Variants in LAMA2 observed in about 807,000 individuals in gnomAD.
The protein encoded by LAMA2 is laminin subunit alpha-2.
A neutral mutation model predicts 364.8 loss-of-function variants in LAMA2; 269 were observed. The ratio of observed to expected loss-of-function variants is 0.74; its 90% CI spans 0.67 to 0.82. LAMA2 has a LOEUF of 0.82. Ranked by LOEUF, LAMA2 falls within the 40% of genes least tolerant of loss-of-function variation. The probability of loss-of-function intolerance (pLI) is 0.00; values close to 1 mark genes in which losing one functional copy is unlikely to be tolerated. For missense variants in LAMA2, 3,807 were observed against 3,873.2 expected, an observed-to-expected ratio of 0.98 and a Z score of 0.45; for synonymous variants, 1,379 against 1,370.6, an observed-to-expected ratio of 1.01 and a Z score of -0.14.
chr6:128,986,245 T>G (rs1026483253), intron 1 of LAMA2, among the ~76,000 whole-genome samples: 5 of 152,192 alleles, frequency 3.3e-5, no homozygotes, highest in Admixed American at 3.3e-4. Flanking sequence ...ATTCTCATGC[T>G]TTTCAGTGTT....
intron 12 of LAMA2, 47 bp downstream of exon 12, chr6:129,192,900 G>A (rs371339192): frequency 3.2e-4 from 495 of 1,552,742 alleles, no homozygotes; most frequent in Non-Finnish European, 4.1e-4. Context: ...CTGACTGATC[G>A]TGAGAATGGG....
At chr6:129,012,030 C>T (rs1160777333) in intron 1 of LAMA2, among the ~76,000 whole-genome samples, 1 of 152,128 alleles carries the variant, frequency 6.6e-6, no homozygotes, top group East Asian at 1.9e-4. Flanking sequence ...CCCTTGTGTT[C>T]CTTCTACTCA....
chr6:128,884,768 T>C (rs1263547049), intron 1 of LAMA2, among the ~76,000 whole-genome samples: 1 of 152,198 alleles, frequency 6.6e-6, no homozygotes, highest in Non-Finnish European at 1.5e-5. Context: ...TATTAAACTT[T>C]GCTCAATTAC....
chr6:128,926,838 C>T (rs886800040), intron 1 of LAMA2, among the ~76,000 whole-genome samples: 1 of 152,132 alleles, frequency 6.6e-6, no homozygotes, highest in African/African-American at 2.4e-5. Context: ...TCAGATATAA[C>T]GTTGTAGTAT....
chr6:129,199,435 A>T (rs1782043321), intron 12 of LAMA2, among the ~76,000 whole-genome samples: 1 of 152,226 alleles, frequency 6.6e-6, no homozygotes, highest in Admixed American at 6.5e-5. Context: ...GATCACAAAC[A>T]TGAAACAATT....
At chr6:128,974,178 G>A (rs556432303) in intron 1 of LAMA2, among the ~76,000 whole-genome samples, 20 of 152,110 alleles carry the variant, frequency 1.3e-4, no homozygotes, top group African/African-American at 4.6e-4. Flanking sequence ...AGTTAACCAG[G>A]TGACCCTCTA....
intron 20 of LAMA2, among the ~76,000 whole-genome samples, chr6:129,295,989 G>T (rs901838174): frequency 6.6e-6 from 1 of 151,562 alleles, no homozygotes; most frequent in African/African-American, 2.4e-5. Flanking sequence ...GGTGGTATGG[G>T]TATGTAATTG....
chr6:129,106,956 G>T (rs566334968), intron 4 of LAMA2, among the ~76,000 whole-genome samples: 1 of 151,366 alleles, frequency 6.6e-6, no homozygotes, highest in Non-Finnish European at 1.5e-5. Flanking sequence ...AACAAAGATG[G>T]CCAGAGAAAC....
intron 1 of LAMA2, among the ~76,000 whole-genome samples, chr6:128,906,026 G>A (rs1280645473): frequency 1.3e-5 from 2 of 149,988 alleles, no homozygotes; most frequent in Non-Finnish European, 3.0e-5. Flanking sequence ...TCTTAATCCA[G>A]TCTATCGTTG....
At chr6:129,352,043 T>C (rs1482692672) in intron 31 of LAMA2, among the ~76,000 whole-genome samples, 1 of 152,202 alleles carries the variant, frequency 6.6e-6, no homozygotes, top group East Asian at 1.9e-4. Flanking sequence ...TCCAATCCCC[T>C]ACTGTCTCTC....
At chr6:129,157,803 A>G in intron 8 of LAMA2, 5 of 1,613,534 alleles carry the variant, frequency 3.1e-6, no homozygotes, top group South Asian at 2.2e-5. Flanking sequence ...ACGACGAGCC[A>G]TCTCCCAAAT....
At chr6:129,341,834 A>C (rs1015058479) in intron 29 of LAMA2, among the ~76,000 whole-genome samples, 4 of 152,236 alleles carry the variant, frequency 2.6e-5, no homozygotes. Context: ...TGCTAGTTTT[A>C]GATTGACTCC....
chr6:129,011,253 C>T (rs1784752510), intron 1 of LAMA2, among the ~76,000 whole-genome samples: 1 of 152,200 alleles, frequency 6.6e-6, no homozygotes, highest in African/African-American at 2.4e-5. Context: ...CTTTCAGCTA[C>T]TAAGACACAC....
rs113528017 is a variant in LAMA2, at chr6:129,101,329, C to T, written c.639+2914C>T. Among the ~76,000 whole-genome samples the T allele has an allele frequency of 5.6e-3, 856 of 152,184 alleles. 9 individuals are homozygous for T. Among genetic ancestry groups the T allele is most frequent in the African/African-American group, 0.02 (822 of 41,522 alleles). On this transcript the variant is annotated intron_variant, in intron 4 of 64. Transcript: ENST00000421865. ...TCCAATAATGCCTATGTGTTAAACTCGGTACATACAGAATTTACCTCCATT... is the reference window on the plus strand; with the variant it reads ...TCCAATAATGCCTATGTGTTAAACTTGGTACATACAGAATTTACCTCCATT...
chr6:128,929,842 GA>G (rs1779344985), intron 1 of LAMA2: 4 of 1,022,594 alleles, frequency 3.9e-6, no homozygotes, highest in African/African-American at 1.6e-5. Flanking sequence ...CCTTGTAAGT[GA>G]AAAACTTGCC....
At chr6:129,261,464 T>G (rs902774529) in intron 15 of LAMA2, among the ~76,000 whole-genome samples, 7 of 152,168 alleles carry the variant, frequency 4.6e-5, no homozygotes, top group African/African-American at 1.4e-4. Flanking sequence ...TAACAATTTT[T>G]ATTTGCTTCT....
chr6:129,275,642 A>G (rs764132316), intron 17 of LAMA2, among the ~76,000 whole-genome samples: 7 of 151,920 alleles, frequency 4.6e-5, no homozygotes, highest in Non-Finnish European at 1.0e-4. Flanking sequence ...GCAGGATGAG[A>G]AAACTGCAGA....
chr6:129,058,294 G>T (rs908990264), intron 2 of LAMA2, among the ~76,000 whole-genome samples: 1 of 152,240 alleles, frequency 6.6e-6, no homozygotes, highest in Non-Finnish European at 1.5e-5. Context: ...AGGAGTAGTG[G>T]CTGCTGTTGT....
At chr6:128,985,265 G>T (rs1783152944) in intron 1 of LAMA2, among the ~76,000 whole-genome samples, 1 of 152,078 alleles carries the variant, frequency 6.6e-6, no homozygotes, top group Admixed American at 6.6e-5. Flanking sequence ...ATTAGTCAAG[G>T]TTTACAGTGC....
Sources: allele counts gnomAD v4.1 joint callset (sites outside exome capture counted in the v4.1 genomes callset), GRCh38; gene constraint gnomAD v4.1.1; transcripts MANE v1.5; gene names NCBI Gene and HGNC (gene_info 2026-07-23, HGNC 2026-07-21).